MTHFD2L: variants seen among roughly 807,000 people sequenced by gnomAD.
The protein encoded by MTHFD2L is methylenetetrahydrofolate dehydrogenase (NADP+ dependent) 2 like.
A neutral mutation model predicts 34.9 loss-of-function variants in MTHFD2L; 29 were observed. That is an observed-to-expected ratio of 0.83 (90% CI 0.62 to 1.13). The LOEUF (loss-of-function observed/expected upper bound fraction) is 1.13, where lower values mean the gene tolerates loss of function less well. MTHFD2L is among the 50% of genes most tolerant of loss of function. The probability of loss-of-function intolerance (pLI) is 0.00; values close to 1 mark genes in which losing one functional copy is unlikely to be tolerated. For synonymous variants in MTHFD2L, 167 were observed against 155.7 expected (o/e 1.07, Z -0.54); for missense variants, 481 against 446.5 (o/e 1.08, Z -0.70).
Position 74,301,673 on chromosome 4 carries a change from CTGTT to C in MTHFD2L, c.932-18_932-15del. On this transcript the variant is annotated intron_variant, in intron 7 of 7. Coordinates refer to ENST00000325278, the MANE Select transcript of MTHFD2L (RefSeq NM_001144978.3). ...TCAGATATTTTAAAATAAAGAATAT[CTGTT>C]TGTTTTTTTTCCTCATCAGCTGTTA... The C allele has an allele frequency of 7.4e-7, 1 of 1,344,858 alleles. No individual in the cohort carries two copies. The allele number at this position is 1,344,858 out of a possible 1,614,324, so 83.3% of individuals were successfully genotyped here. A position where few individuals can be genotyped will look rare whatever the true frequency, so the allele number is the denominator to read the frequency against.
intron 3 of MTHFD2L, among the ~76,000 whole-genome samples, chr4:74,176,853 G>A (rs1031456019): frequency 6.6e-6 from 1 of 151,944 alleles, no homozygotes; most frequent in Non-Finnish European, 1.5e-5. Flanking sequence ...CAATCGTGAT[G>A]TGCAAAAAGT....
chr4:74,122,128 G>C (rs960003794), upstream of MTHFD2L, among the ~76,000 whole-genome samples: 1 of 151,936 alleles, frequency 6.6e-6, no homozygotes, highest in African/African-American at 2.4e-5. Context: ...CCTACTTCCT[G>C]GGGAGAAATC....
chr4:74,175,137 C>G (rs1728778239), intron 2 of MTHFD2L, 144 bp from the exon 3 acceptor site: 1 of 862,012 alleles, frequency 1.2e-6, no homozygotes, highest in South Asian at 2.0e-5. Context: ...AACACCTGTA[C>G]TATTGGAGAA....
intron 1 of MTHFD2L, among the ~76,000 whole-genome samples, chr4:74,172,452 G>A (rs1418215798): frequency 6.6e-6 from 1 of 152,080 alleles, no homozygotes. Context: ...TTAATGAAGA[G>A]TAGACAAAAT....
chr4:74,245,801 A>G (rs1234904936), intron 6 of MTHFD2L, among the ~76,000 whole-genome samples: 2 of 152,074 alleles, frequency 1.3e-5, no homozygotes, highest in South Asian at 2.1e-4. Context: ...TACAAAGGAC[A>G]TGAACTCATC....
Position 74,301,836 on chromosome 4 carries a change from A to T in MTHFD2L, c.*27A>T, listed in dbSNP as rs778694025. The T allele has an allele frequency of 6.4e-6, 9 of 1,401,830 alleles. No individual in the cohort carries two copies. The highest frequency in any genetic ancestry group is 9.0e-6 in the Non-Finnish European group (9 of 1,004,660). The allele number at this position is 1,401,830 out of a possible 1,614,324, so 86.8% of individuals were successfully genotyped here. ...TCACATGAAAGGATAAAGCAAACTG[A>T]AGTCATGCTATTTGTTTATTTGACA... On this transcript the variant is annotated 3_prime_UTR_variant, in exon 8 of 8. Coordinates refer to ENST00000325278, the MANE Select transcript of MTHFD2L (RefSeq NM_001144978.3).
At chr4:74,222,181 G>A (rs372666911) in intron 5 of MTHFD2L, among the ~76,000 whole-genome samples, 4 of 151,902 alleles carry the variant, frequency 2.6e-5, no homozygotes, top group African/African-American at 4.8e-5. Context: ...TGGTAGTTGC[G>A]TTATTTCTGC....
intron 1 of MTHFD2L, among the ~76,000 whole-genome samples, chr4:74,136,102 C>T (rs926600892): frequency 1.8e-4 from 28 of 152,012 alleles, no homozygotes; most frequent in Admixed American, 1.1e-3. Flanking sequence ...TATTATTTTG[C>T]TGTTATTCAA....
intron 1 of MTHFD2L, among the ~76,000 whole-genome samples, chr4:74,128,472 C>T (rs547428029): frequency 2.9e-4 from 44 of 152,156 alleles, no homozygotes; most frequent in Non-Finnish European, 6.2e-4. Context: ...ATGAAAGAGA[C>T]TGCCCTTCCC....
intron 5 of MTHFD2L, among the ~76,000 whole-genome samples, chr4:74,207,766 C>CTTTTTTT (rs768932793): frequency 1.6e-5 from 2 of 128,474 alleles, no homozygotes; most frequent in South Asian, 2.5e-4. Flanking sequence ...TGAAAAAGAA[C>CTTTTTTT]TTTTTTTTTT....
At chr4:74,260,927 G>T (rs74931301) in intron 6 of MTHFD2L, among the ~76,000 whole-genome samples, 1 of 77,226 alleles carries the variant, frequency 1.3e-5, no homozygotes, top group Admixed American at 1.4e-4. Flanking sequence ...AAAAAACAAA[G>T]AAACAATTAA....
intron 5 of MTHFD2L, among the ~76,000 whole-genome samples, chr4:74,216,159 T>C (rs1428285819): frequency 1.3e-5 from 2 of 151,876 alleles, no homozygotes; most frequent in Non-Finnish European, 1.5e-5. Flanking sequence ...CCACATTTTA[T>C]AGGGCAATTT....
chr4:74,117,377 A>G (rs1345865110), intron 2 of MTHFD2L, among the ~76,000 whole-genome samples: 1 of 152,192 alleles, frequency 6.6e-6, no homozygotes, highest in African/African-American at 2.4e-5. Context: ...GTTAAGAGGA[A>G]ATCAACCAGG....
At chr4:74,167,646 T>G (rs1046335142) in intron 1 of MTHFD2L, among the ~76,000 whole-genome samples, 21 of 152,018 alleles carry the variant, frequency 1.4e-4, no homozygotes, top group Middle Eastern at 3.2e-3. Flanking sequence ...GGCAAAGTGG[T>G]TGGAGAGGTG....
chr4:74,255,433 AGAAGAAAG>A (rs1298162469), intron 6 of MTHFD2L, among the ~76,000 whole-genome samples: 1 of 152,184 alleles, frequency 6.6e-6, no homozygotes, highest in Non-Finnish European at 1.5e-5. Context: ...AAATGGAGAA[AGAAGAAAG>A]GAACTAGAAA....
At chr4:74,207,751 A>C (rs1466635214) in intron 5 of MTHFD2L, among the ~76,000 whole-genome samples, 2 of 148,366 alleles carry the variant, frequency 1.3e-5, no homozygotes, top group African/African-American at 5.2e-5. Flanking sequence ...AATTAACCCC[A>C]GTTGTGAAAA....
chr4:74,168,206 G>T (rs988966122), intron 1 of MTHFD2L, among the ~76,000 whole-genome samples: 5 of 152,180 alleles, frequency 3.3e-5, no homozygotes, highest in African/African-American at 9.7e-5. Context: ...GGCCTGCAGG[G>T]CCTTATATAA....
chr4:74,176,808 G>T (rs1729138717), intron 3 of MTHFD2L, among the ~76,000 whole-genome samples: 1 of 151,992 alleles, frequency 6.6e-6, no homozygotes. Flanking sequence ...GGTTACAGTA[G>T]CTTTGTAGTT....
chr4:74,130,533 T>G (rs1722412167), intron 1 of MTHFD2L, among the ~76,000 whole-genome samples: 1 of 151,992 alleles, frequency 6.6e-6, no homozygotes, highest in Non-Finnish European at 1.5e-5. Context: ...AATAAAATTC[T>G]GCACCCTTCC....
Sources: gnomAD v4.1 joint callset for allele counts (sites outside exome capture counted in the v4.1 genomes callset) on GRCh38, gnomAD v4.1.1 for gene constraint, MANE v1.5 for transcripts, NCBI Gene and HGNC (gene_info 2026-07-23, HGNC 2026-07-21) for gene names.